Variants in SCLY observed in about 807,000 individuals in gnomAD.
SCLY encodes the protein putative selenocysteine lyase.
Under a neutral mutation model 50.1 loss-of-function variants are expected in SCLY, and 38 were observed. The observed-to-expected ratio is 0.76, with a 90% CI of 0.59 to 0.99. The LOEUF (loss-of-function observed/expected upper bound fraction) is 0.99, where lower values mean the gene tolerates loss of function less well. SCLY is among the 50% of genes least tolerant of loss of function. The probability of loss-of-function intolerance (pLI) is 0.00; values close to 1 mark genes in which losing one functional copy is unlikely to be tolerated. For missense variants in SCLY, 600 were observed against 620.0 expected (o/e 0.97, Z 0.34); for synonymous variants, 243 against 249.4 (o/e 0.97, Z 0.24).
chr2:238,061,007 A>T lies in SCLY; in HGVS notation c.-48A>T. 7.6e-7 allele frequency: 1 copy of T among 1,313,216 alleles called. No homozygotes were observed. Among genetic ancestry groups the T allele is most frequent in the Non-Finnish European group, 9.8e-7 (1 of 1,023,016 alleles). 81.3% of individuals were successfully genotyped at this position (1,313,216 alleles called of 1,614,324 possible). ...CTCCTCCCCGGCGCTCTGGGCCCGT[A>T]GCGCTCCGCGGGAAGGAGGCTGGAT... On this transcript the variant is annotated 5_prime_UTR_variant, in exon 1 of 12. Coordinates refer to ENST00000254663, the MANE Select transcript of SCLY (RefSeq NM_016510.7).
chr2:238,095,631 C>G (rs2065423228), intron 10 of SCLY: 1 of 152,190 alleles, frequency 6.6e-6, no homozygotes, highest in Admixed American at 6.5e-5. Context: ...ATCTCAAATT[C>G]CTCACCATGG....
rs1057294533 is a variant in SCLY at position 238,098,422 on chromosome 2, G to C, written c.*67G>C. ...GGCAGGGCACAGGGTTGTCCCTCCA[G>C]TTCCCTCCTGAGGGCTGTGCCAGGA... On this transcript the variant is annotated 3_prime_UTR_variant, in exon 12 of 12. Coordinates refer to ENST00000254663, the MANE Select transcript of SCLY (RefSeq NM_016510.7). 21 of 1,479,790 alleles carry C rather than the reference G, an allele frequency of 1.4e-5. No homozygotes were observed. Among genetic ancestry groups the C allele is most frequent in the African/African-American group, 5.5e-5 (4 of 72,288 alleles). 91.7% of individuals were successfully genotyped at this position (1,479,790 alleles called of 1,614,324 possible).
chr2:238,078,037 T>A (rs1273891130), intron 4 of SCLY, among the ~76,000 whole-genome samples: 1 of 150,762 alleles, frequency 6.6e-6, no homozygotes, highest in Admixed American at 6.6e-5. Flanking sequence ...CACTGCCACC[T>A]ACGCCTCCCA....
chr2:238,086,027 C>T (rs922488072), intron 7 of SCLY, among the ~76,000 whole-genome samples: 2 of 152,178 alleles, frequency 1.3e-5, no homozygotes, highest in African/African-American at 2.4e-5. Context: ...GATGACACTT[C>T]ACCAGTATGG....
rs1357298704 is a variant in SCLY at position 238,066,604 on chromosome 2, A to G, written c.203-1461A>G. On this transcript the variant is annotated intron_variant, in intron 2 of 11. Transcript: ENST00000254663. This position sits in a 1 kb window ranked among gnomAD's most constrained non-coding sequence, Gnocchi z 4.1. ...GGCTTGGTTGGTGGCTGGGCGGTGG[A>G]GAGGCAGAGTCAGGTTTGGAACATC... Among the ~76,000 whole-genome samples, 1 of 152,180 alleles carries G rather than the reference A, an allele frequency of 6.6e-6. No homozygotes were observed. Among genetic ancestry groups the G allele is most frequent in the Non-Finnish European group, 1.5e-5 (1 of 68,042 alleles).
rs543636454 is a variant in SCLY at position 238,094,528 on chromosome 2, G to A, written c.1108+6G>A. The stretch of plus-strand genomic sequence containing the variant: ...CCGGGGACCCCGGCTTCAAGGTGAT[G>A]GCCCCTCACCCTGGTCTTTCCGAGT... On this transcript the variant is annotated splice_donor_region_variant and intron_variant, in intron 10 of 11. Transcript: ENST00000254663. 3 of 1,610,994 alleles carry A rather than the reference G, an allele frequency of 1.9e-6. No individual in the cohort carries two copies. The highest frequency in any genetic ancestry group is 1.3e-5 in the African/African-American group (1 of 74,980).
chr2:238,098,584 C>CCCACATAGAACCGT lies in SCLY; in HGVS notation c.*237_*238insAACCGTCCACATAG, dbSNP rs2106459509. On this transcript the variant is annotated 3_prime_UTR_variant, in exon 12 of 12. Transcript: ENST00000254663. ...GCATAGGACTGCCCACATGGGACCGCCCACATAGGACCGCCCACATAGGAC... is the reference window on the plus strand; with the variant it reads ...GCATAGGACTGCCCACATGGGACCGCCCACATAGAACCGTCCACATAGGACCGCCCACATAGGAC... 1.3e-5 allele frequency: 5 copies of CCCACATAGAACCGT among 399,498 alleles called. 1 individual carries two copies. In the East Asian group the frequency reaches 1.4e-4, roughly 12 times the overall value. 24.7% of individuals were successfully genotyped at this position (399,498 alleles called of 1,614,324 possible). A position where few individuals can be genotyped will look rare whatever the true frequency, so the allele number is the denominator to read the frequency against.
In SCLY at chr2:238,066,568, G is replaced by A. The variant is rs1012682210; in HGVS notation, c.203-1497G>A. On this transcript the variant is annotated intron_variant, in intron 2 of 11. Coordinates refer to ENST00000254663, the MANE Select transcript of SCLY (RefSeq NM_016510.7). This position sits in a 1 kb window ranked among gnomAD's most constrained non-coding sequence, Gnocchi z 4.1. The stretch of plus-strand genomic sequence containing the variant: ...GGGGGCCTGCTAGGAGAACATCACA[G>A]CAGTGGCCTTGGCTTGGTTGGTGGC... 6.6e-6 allele frequency among the ~76,000 whole-genome samples: 1 copy of A among 152,222 alleles called. No individual in the cohort carries two copies. Among genetic ancestry groups the A allele is most frequent in the African/African-American group, 2.4e-5 (1 of 41,460 alleles).
chr2:238,095,027 C>A (rs1419256207), intron 10 of SCLY, among the ~76,000 whole-genome samples: 2 of 151,970 alleles, frequency 1.3e-5, no homozygotes, highest in Non-Finnish European at 2.9e-5. Context: ...ATGGAGAAAC[C>A]CCATCTCTAC....
At chr2:238,063,808 C>T (rs1039850889) in intron 1 of SCLY, among the ~76,000 whole-genome samples, 4 of 152,224 alleles carry the variant, frequency 2.6e-5, no homozygotes, top group African/African-American at 9.6e-5. Context: ...AGCTGTTCCC[C>T]TCCTTCCATA....
intron 7 of SCLY, among the ~76,000 whole-genome samples, chr2:238,087,543 G>T (rs181585722): frequency 6.6e-6 from 1 of 152,132 alleles, no homozygotes; most frequent in Non-Finnish European, 1.5e-5. Context: ...CTTCAGGCCC[G>T]GTGGTTTCAT....
At position 238,096,895 on chromosome 2, in the gene SCLY, C is replaced by T; in HGVS notation, c.1184+19C>T. On this transcript the variant is annotated intron_variant, in intron 11 of 11. Transcript: ENST00000254663. The stretch of plus-strand genomic sequence containing the variant: ...GGGACCAGTAAGTGCTCTTCACAAA[C>T]CCAGTCCAGGGCATAGGGGTCCTCC... 6.3e-7 allele frequency: 1 copy of T among 1,598,554 alleles called. No individual in the cohort carries two copies.
chr2:238,081,334 G>A (rs1324097336), intron 4 of SCLY: 3 of 180,782 alleles, frequency 1.7e-5, no homozygotes, highest in Admixed American at 5.8e-5. Context: ...TGGCGCGTAG[G>A]AGCGGCTTCA....
At chr2:238,081,872 A>G in intron 5 of SCLY, 36 bp downstream of exon 5, 1 of 1,606,380 alleles carries the variant, frequency 6.2e-7, no homozygotes, top group South Asian at 1.1e-5. Context: ...AGGAGAGCTC[A>G]TGGGGAAGAA....
At chr2:238,091,517 CAGCAGAGGTGA>C in intron 8 of SCLY, 1 of 488,446 alleles carries the variant, frequency 2.0e-6, no homozygotes. Flanking sequence ...GATACTGTTA[CAGCAGAGGTGA>C]AGTGTCAAGC....
At chr2:238,081,328 G>A (rs963414009) in intron 4 of SCLY, 6 of 175,930 alleles carry the variant, frequency 3.4e-5, no homozygotes, top group East Asian at 1.6e-4. Context: ...AGCGCCTGGC[G>A]CGTAGGAGCG....
intron 4 of SCLY, among the ~76,000 whole-genome samples, chr2:238,074,592 T>A (rs1229952914): frequency 2.0e-5 from 3 of 152,080 alleles, no homozygotes; most frequent in Non-Finnish European, 4.4e-5. Context: ...CAAGCGATTC[T>A]CCTGCCTCAG....
In SCLY at chr2:238,093,889, A is replaced by C; in HGVS notation, c.950A>C (p.Glu317Ala). 1 of 1,614,016 alleles carries C rather than the reference A, an allele frequency of 6.2e-7. No homozygotes were observed. Among genetic ancestry groups the C allele is most frequent in the Non-Finnish European group, 8.5e-7 (1 of 1,179,992 alleles). Residue 317 changes from glutamate (E) to alanine (A), a missense_variant, in exon 9 of 12, where the codon GAG becomes GCG. Physicochemically the swap from Glu to Ala is moderately radical, Grantham distance 107. Coordinates refer to ENST00000254663, the MANE Select transcript of SCLY (RefSeq NM_016510.7). ...KAAELVTQNC[E>A]AYEAHMRDVR... ...GCGGAGCTGGTGACCCAGAACTGCGAGGCTTATGAGGCCCACATGAGGGAC... is the reference window on the plus strand; with the variant it reads ...GCGGAGCTGGTGACCCAGAACTGCGCGGCTTATGAGGCCCACATGAGGGAC...
Position 238,083,223 on chromosome 2 carries a change from A to AC in SCLY, c.778-25_778-24insC, listed in dbSNP as rs1279664695. ...TAGGTCCTTGGAAAGTTCTTGTTGAATAAATGACCAACTTTTCCTTCCAGT... is the reference window on the plus strand; with the variant it reads ...TAGGTCCTTGGAAAGTTCTTGTTGAACTAAATGACCAACTTTTCCTTCCAGT... On this transcript the variant is annotated intron_variant, in intron 6 of 11. Transcript: ENST00000254663. This position sits in a 1 kb window ranked among gnomAD's most constrained non-coding sequence, Gnocchi z 4.3. 1.9e-6 allele frequency: 3 copies of AC among 1,541,434 alleles called. No individual in the cohort carries two copies. The highest frequency in any genetic ancestry group is 2.7e-6 in the Non-Finnish European group (3 of 1,113,970).
Sources: gnomAD v4.1 joint callset for allele counts (sites outside exome capture counted in the v4.1 genomes callset) on GRCh38, gnomAD v4.1.1 for gene constraint, Gnocchi (gnomAD v3.1) non-coding constraint, MANE v1.5 for transcripts, NCBI Gene and HGNC (gene_info 2026-07-23, HGNC 2026-07-21) for gene names.